Variants in RNF115 observed in about 807,000 individuals in gnomAD.
The protein encoded by RNF115 is E3 ubiquitin-protein ligase RNF115.
In RNF115, 31 loss-of-function variants were observed where a neutral mutation model predicts 39.2. The observed-to-expected ratio is 0.79, with a 90% CI of 0.59 to 1.07. The LOEUF is 1.07. Among genes scored for constraint, RNF115 ranks in the 50% least tolerant of loss-of-function variants. The pLI is 0.00. For synonymous variants in RNF115, 124 were observed against 131.0 expected (o/e 0.95, Z 0.37); for missense variants, 384 against 381.7 (o/e 1.01, Z -0.05).
At chr1:145,772,022 T>C in intron 3 of RNF115, 103 bp from the exon 4 acceptor site, 2 of 909,898 alleles carry the variant, frequency 2.2e-6, no homozygotes, top group Non-Finnish European at 3.4e-6. Flanking sequence ...TGAATATTAC[T>C]GTATGTCTTC....
At chr1:145,793,842 CTTTTTTTTTTTT>C (rs11304765) in intron 1 of RNF115, among the ~76,000 whole-genome samples, 1 of 135,798 alleles carries the variant, frequency 7.4e-6, no homozygotes, top group Non-Finnish European at 1.6e-5. Context: ...TACCCTCTTT[CTTTTTTTTTTTT>C]TTTTTTTGAG....
chr1:145,802,754 C>CT (rs1290048478), intron 1 of RNF115, among the ~76,000 whole-genome samples: 1 of 152,186 alleles, frequency 6.6e-6, no homozygotes, highest in East Asian at 1.9e-4. Context: ...TTTATACTCT[C>CT]TTTGAGTATC....
At chr1:145,801,425 C>T (rs1227958883) in intron 1 of RNF115, among the ~76,000 whole-genome samples, 2 of 151,886 alleles carry the variant, frequency 1.3e-5, no homozygotes, top group African/African-American at 2.4e-5. Context: ...ATTAGCCAGG[C>T]GTGGTGGCAC....
intron 5 of RNF115, among the ~76,000 whole-genome samples, chr1:145,752,469 A>T (rs1042944271): frequency 3.2e-4 from 48 of 151,900 alleles, no homozygotes; most frequent in African/African-American, 1.1e-3. Flanking sequence ...GGGGACCAGG[A>T]CGGCCTTCCT....
At chr1:145,749,480 C>CTA (rs1247882401) in intron 7 of RNF115, among the ~76,000 whole-genome samples, 1 of 152,166 alleles carries the variant, frequency 6.6e-6, no homozygotes, top group Non-Finnish European at 1.5e-5. Flanking sequence ...GGTCCATTCA[C>CTA]TATTTCCCTG....
At chr1:145,779,464 C>T (rs1218945160) in intron 3 of RNF115, among the ~76,000 whole-genome samples, 1 of 152,104 alleles carries the variant, frequency 6.6e-6, no homozygotes, top group African/African-American at 2.4e-5. Context: ...GCATGAGCCA[C>T]CACGTCCAGC....
chr1:145,752,606 T>TTTTTTTTG (rs1658133365), intron 5 of RNF115, among the ~76,000 whole-genome samples: 1 of 129,304 alleles, frequency 7.7e-6, no homozygotes, highest in Non-Finnish European at 1.7e-5. Context: ...TTTTTTTTTT[T>TTTTTTTTG]GAGACAGGGT....
chr1:145,784,308 G>T (rs1445396786), intron 3 of RNF115, among the ~76,000 whole-genome samples: 1 of 152,162 alleles, frequency 6.6e-6, no homozygotes, highest in Admixed American at 6.5e-5. Flanking sequence ...CAGTTTAAAA[G>T]AATACAGTTT....
intron 4 of RNF115, among the ~76,000 whole-genome samples, chr1:145,761,506 T>A (rs1553713838): frequency 6.6e-6 from 1 of 152,138 alleles, no homozygotes. Context: ...CTTCAGAGAG[T>A]GCAAGCCCAA....
At chr1:145,806,427 G>A (rs1223526389) in intron 1 of RNF115, among the ~76,000 whole-genome samples, 1 of 152,062 alleles carries the variant, frequency 6.6e-6, no homozygotes, top group African/African-American at 2.4e-5. Context: ...TTTAAATCCT[G>A]ATTTTACTAC....
At chr1:145,787,374 C>A (rs1212088324) in intron 2 of RNF115, among the ~76,000 whole-genome samples, 2 of 151,788 alleles carry the variant, frequency 1.3e-5, no homozygotes, top group African/African-American at 2.4e-5. Context: ...GACTTCAAGA[C>A]CAGCCTGGCA....
rs1553719587 is a variant in RNF115, at chr1:145,794,590, ATG to A, written c.103-5626_103-5625del. 2.2e-5 allele frequency among the ~76,000 whole-genome samples: 3 copies of A among 137,244 alleles called. No homozygotes were observed. In the East Asian group the frequency reaches 6.2e-4, roughly 28 times the overall value. 90.0% of individuals were successfully genotyped at this position (137,244 alleles called of 152,430 possible). A position where few individuals can be genotyped will look rare whatever the true frequency, so the allele number is the denominator to read the frequency against. On this transcript the variant is annotated intron_variant, in intron 1 of 8. Coordinates refer to ENST00000582693, the MANE Select transcript of RNF115 (RefSeq NM_014455.4). Reference sequence around the variant, plus strand: ...AGTGGTGCGATCTCCTATTGGAATCATGTGAAGTCCCCACTTCACATGGTCCC... The same window carrying A: ...AGTGGTGCGATCTCCTATTGGAATCATGAAGTCCCCACTTCACATGGTCCC...
intron 3 of RNF115, among the ~76,000 whole-genome samples, chr1:145,774,300 ATT>A (rs35937477): frequency 6.7e-4 from 93 of 139,146 alleles, no homozygotes; most frequent in Non-Finnish European, 8.1e-4. Flanking sequence ...TTCCCCCAAC[ATT>A]TTTTTTTTTT....
intron 3 of RNF115, among the ~76,000 whole-genome samples, chr1:145,782,849 C>T (rs1648210391): frequency 6.6e-6 from 1 of 152,198 alleles, no homozygotes; most frequent in Non-Finnish European, 1.5e-5. Context: ...GACTGGCAAA[C>T]AGAATACATT....
chr1:145,767,217 G>A (rs1347120427), intron 4 of RNF115, among the ~76,000 whole-genome samples: 69 of 150,964 alleles, frequency 4.6e-4, no homozygotes, highest in Non-Finnish European at 9.0e-4. Context: ...CTTCCCAGAC[G>A]GGGTGGCTGC....
At chr1:145,773,157 T>G (rs1032409995) in intron 3 of RNF115, 1 of 152,220 alleles carries the variant, frequency 6.6e-6, no homozygotes, top group Non-Finnish European at 1.5e-5. Flanking sequence ...TGAGTATACT[T>G]AAGACAGCTG....
At chr1:145,762,659 CA>C (rs1441749698) in intron 4 of RNF115, among the ~76,000 whole-genome samples, 1 of 150,004 alleles carries the variant, frequency 6.7e-6, no homozygotes, top group Non-Finnish European at 1.5e-5. Flanking sequence ...TATTCCATAC[CA>C]AAACAAATTT....
chr1:145,774,523 A>G (rs1446617825), intron 3 of RNF115, among the ~76,000 whole-genome samples: 2 of 151,476 alleles, frequency 1.3e-5, no homozygotes, highest in African/African-American at 4.8e-5. Flanking sequence ...CTAATTTTTT[A>G]TATTTGCAGT....
At position 145,784,733 on chromosome 1, in the gene RNF115, G is replaced by A. The variant is rs1052143374; in HGVS notation, c.162-137C>T. The A allele has an allele frequency of 7.8e-6, 5 of 639,522 alleles. No individual in the cohort carries two copies. The South Asian group carries it at 1.1e-4, about 13-fold the overall frequency. 39.6% of individuals were successfully genotyped at this position (639,522 alleles called of 1,614,324 possible). ...CATCCCAACACAACACCTATTAAAG[G>A]AAATTATGAATAACTGGCATGTGAA... On this transcript the variant is annotated intron_variant, in intron 2 of 8. Transcript: ENST00000582693.
Sources: gnomAD v4.1 joint callset for allele counts (sites outside exome capture counted in the v4.1 genomes callset) on GRCh38, gnomAD v4.1.1 for gene constraint, MANE v1.5 for transcripts, NCBI Gene and HGNC (gene_info 2026-07-23, HGNC 2026-07-21) for gene names.